Variants in OLFML2A observed in about 807,000 individuals in gnomAD.
OLFML2A encodes the protein olfactomedin-like protein 2A.
A neutral mutation model predicts 60.9 loss-of-function variants in OLFML2A; 47 were observed. The observed-to-expected ratio is 0.77, with a 90% CI of 0.61 to 0.98. The LOEUF is 0.98. Among genes scored for constraint, OLFML2A ranks in the 50% least tolerant of loss-of-function variants. The pLI, the probability that OLFML2A is intolerant of heterozygous loss-of-function variation, is 0.00. For synonymous variants in OLFML2A, 372 were observed against 375.0 expected (o/e 0.99, Z 0.09); for missense variants, 922 against 879.8 (o/e 1.05, Z -0.61).
chr9:124,780,353 AG>A (rs575319662), intron 1 of OLFML2A, among the ~76,000 whole-genome samples: 21 of 152,176 alleles, frequency 1.4e-4, no homozygotes, highest in Non-Finnish European at 2.9e-4. Context: ...TCCAGCATCA[AG>A]GGGTGGGGAG....
In OLFML2A at chr9:124,787,185, G is replaced by A. The variant is rs767314949; in HGVS notation, c.301G>A (p.Glu101Lys). ...TAPPSSLNPC[E>K]NEWKMEKLKK... ...ACCTCCCTCCTCTCTCAACCCCTGT[G>A]AGAACGAGTGGAAGATGGAGAAACT... The change falls in exon 2 of 8, where the codon GAG becomes AAG. Residue 101 changes from glutamate to lysine, a missense_variant. Physicochemically the swap from Glu to Lys is moderately conservative, Grantham distance 56 (BLOSUM62 1). Coordinates refer to ENST00000373580, the MANE Select transcript of OLFML2A (RefSeq NM_182487.4). 4 of 1,614,220 alleles carry A rather than the reference G, an allele frequency of 2.5e-6. No homozygotes were observed. The highest frequency in any genetic ancestry group is 1.1e-5 in the South Asian group (1 of 91,088).
chr9:124,813,845 C>G lies in OLFML2A; in HGVS notation c.*3433C>G, dbSNP rs922969601. ...TGTGAGCTGTCATGGAAACCTGATC[C>G]CCAACAGCTTTTGAGGTTGTTTGTT... On this transcript the variant is annotated 3_prime_UTR_variant, in exon 8 of 8. Transcript: ENST00000373580. The G allele has an allele frequency of 3.9e-5, 6 of 152,186 alleles. No individual in the cohort carries two copies. Among genetic ancestry groups the G allele is most frequent in the Non-Finnish European group, 8.8e-5 (6 of 68,064 alleles). The allele number at this position is 152,186 out of a possible 1,614,324, so 9.4% of individuals were successfully genotyped here.
At chr9:124,801,214 C>A in intron 4 of OLFML2A, 200 bp from the exon 5 acceptor site, 1 of 887,940 alleles carries the variant, frequency 1.1e-6, no homozygotes, top group Non-Finnish European at 1.7e-6. Flanking sequence ...AGCTAAAGAG[C>A]TGGGTGAGGA....
intron 1 of OLFML2A, among the ~76,000 whole-genome samples, chr9:124,780,936 C>A (rs1167197001): frequency 6.6e-6 from 1 of 152,190 alleles, no homozygotes; most frequent in Non-Finnish European, 1.5e-5. Flanking sequence ...TAGGAAGCAT[C>A]CAGATAGGCT....
chr9:124,801,620 C>G lies in OLFML2A; in HGVS notation c.876C>G (p.Thr292=), dbSNP rs754524477. The G allele has an allele frequency of 6.2e-7, 1 of 1,613,848 alleles. No individual in the cohort carries two copies. Among genetic ancestry groups the G allele is most frequent in the Non-Finnish European group, 8.5e-7 (1 of 1,180,010 alleles). Residue 292 remains threonine, a synonymous_variant, in exon 5 of 8, where the codon ACC becomes ACG. Transcript: ENST00000373580. ...AGCAGGCTGTGATCCGGGGCTTCAC[C>G]TACTACAAGGCAGGCAAGCAGGAGG... is the stretch of plus-strand genomic sequence containing the variant. ...AQQQAVIRGF[T]YYKAGKQEVT... is the part of the protein sequence containing the mutation.
In OLFML2A at chr9:124,804,246, A is replaced by G. The variant is rs145832280; in HGVS notation, c.1072A>G (p.Ile358Val). ...VDLASGTPTSIPATTTTATTT... is the reference protein window; with the variant it reads ...VDLASGTPTSVPATTTTATTT... Reference sequence around the variant, plus strand: ...CCTGGCTTCTGGCACCCCCACTTCAATCCCTGCCACCACCACCACCGCCAC... The same window carrying G: ...CCTGGCTTCTGGCACCCCCACTTCAGTCCCTGCCACCACCACCACCGCCAC... The change falls in exon 6 of 8, where the codon ATC (isoleucine) becomes GTC (valine). Residue 358 changes from isoleucine (I) to valine (V), a missense_variant. Transcript: ENST00000373580. 29 of 1,611,814 alleles carry G rather than the reference A, an allele frequency of 1.8e-5. No individual in the cohort carries two copies. The African/African-American group carries it at 2.8e-4, about 16-fold the overall frequency.
In OLFML2A at chr9:124,810,032, G is replaced by A. The variant is rs140626253; in HGVS notation, c.1579G>A (p.Glu527Lys). 813 of 1,614,070 alleles carry A rather than the reference G, an allele frequency of 5.0e-4. No homozygotes were observed. Among genetic ancestry groups the A allele is most frequent in the Non-Finnish European group, 6.5e-4 (770 of 1,180,034 alleles). The part of the protein sequence containing the change: ...GHSDIDFAVD[E>K]SGLWVIYPAV... ...CTCGGACATTGACTTTGCCGTGGAC[G>A]AGAGCGGCCTGTGGGTCATCTACCC... The change falls in exon 8 of 8, where the codon GAG becomes AAG. Residue 527 changes from glutamate to lysine, a missense_variant. Coordinates refer to ENST00000373580, the MANE Select transcript of OLFML2A (RefSeq NM_182487.4).
chr9:124,784,352 C>T (rs1841418393), intron 1 of OLFML2A, among the ~76,000 whole-genome samples: 1 of 152,006 alleles, frequency 6.6e-6, no homozygotes, highest in Non-Finnish European at 1.5e-5. Context: ...TACAGATGCC[C>T]ACCACCACAC....
rs184591227 is a variant in OLFML2A at position 124,801,124 on chromosome 9, G to T, written c.670-290G>T. ...CCCAGGGAGCTGGTCCTTCTAGCCT[G>T]CCCCCCAGGGGGATTGGACAGGAGT... On this transcript the variant is annotated intron_variant, in intron 4 of 7. Coordinates refer to ENST00000373580, the MANE Select transcript of OLFML2A (RefSeq NM_182487.4). 1.9e-5 allele frequency: 27 copies of T among 1,431,620 alleles called. No individual in the cohort carries two copies. The African/African-American group carries it at 2.1e-4, about 11-fold the overall frequency. 88.7% of individuals were successfully genotyped at this position (1,431,620 alleles called of 1,614,324 possible). A position where few individuals can be genotyped will look rare whatever the true frequency, so the allele number is the denominator to read the frequency against.
chr9:124,783,662 T>C (rs1841403172), intron 1 of OLFML2A, among the ~76,000 whole-genome samples: 1 of 152,192 alleles, frequency 6.6e-6, no homozygotes, highest in African/African-American at 2.4e-5. Flanking sequence ...GATGCCATGC[T>C]CTTAACCTTG....
intron 6 of OLFML2A, 98 bp downstream of exon 6, chr9:124,804,440 A>G (rs1841849897): frequency 4.9e-6 from 6 of 1,221,354 alleles, no homozygotes; most frequent in Non-Finnish European, 4.5e-6. Flanking sequence ...AATGCTTTTT[A>G]TAGCTGAGCA....
rs368198153 is a variant in OLFML2A at position 124,809,965 on chromosome 9, C to T, written c.1512C>T (p.Asp504=). 2.5e-6 allele frequency: 4 copies of T among 1,614,160 alleles called. No homozygotes were observed. The highest frequency in any genetic ancestry group is 1.1e-5 in the South Asian group (1 of 91,076). ...RFVASWALLP[D]VVYEDTTPWK... ...TGGCCTCCTGGGCGCTGCTGCCCGA[C>T]GTGGTATATGAGGACACCACACCTT... The change falls in exon 8 of 8, where the codon GAC becomes GAT. Residue 504 remains aspartate, a synonymous_variant. Transcript: ENST00000373580.
chr9:124,801,743 G>A lies in OLFML2A; in HGVS notation c.919+80G>A, dbSNP rs1207978860. 31 of 1,437,826 alleles carry A rather than the reference G, an allele frequency of 2.2e-5. 1 individual carries two copies. The East Asian group carries it at 7.3e-4, about 34-fold the overall frequency. The allele number at this position is 1,437,826 out of a possible 1,614,324, so 89.1% of individuals were successfully genotyped here. A position where few individuals can be genotyped will look rare whatever the true frequency, so the allele number is the denominator to read the frequency against. On this transcript the variant is annotated intron_variant, in intron 5 of 7. Coordinates refer to ENST00000373580, the MANE Select transcript of OLFML2A (RefSeq NM_182487.4). ...AATCCCCTCATCTTCTCTGCAGTGG[G>A]ACCACCCCAGATTCAGTTCCACCCA...
chr9:124,785,443 G>A (rs1841450546), intron 1 of OLFML2A, among the ~76,000 whole-genome samples: 1 of 132,252 alleles, frequency 7.6e-6, no homozygotes, highest in Admixed American at 9.0e-5. Flanking sequence ...TGTCACCCAG[G>A]CTGGAGTGCA....
At chr9:124,787,590 C>T (rs982490729) in intron 2 of OLFML2A, among the ~76,000 whole-genome samples, 78 of 132,230 alleles carry the variant, frequency 5.9e-4, no homozygotes, top group Non-Finnish European at 7.4e-4. Context: ...AACAGAGTCT[C>T]GCTCTGTCAC....
intron 7 of OLFML2A, among the ~76,000 whole-genome samples, chr9:124,809,409 G>A (rs1194614696): frequency 6.6e-6 from 1 of 151,988 alleles, no homozygotes; most frequent in Admixed American, 6.6e-5. Context: ...AGGTTTCCTA[G>A]AGGAGGTGAC....
In OLFML2A at chr9:124,777,355, A is replaced by C. The variant is rs1210220830; in HGVS notation, c.85A>C (p.Ser29Arg). The C allele has an allele frequency of 1.6e-6, 2 of 1,285,120 alleles. No individual in the cohort carries two copies. The highest frequency in any genetic ancestry group is 1.5e-5 in the African/African-American group (1 of 64,842). The allele number at this position is 1,285,120 out of a possible 1,614,324, so 79.6% of individuals were successfully genotyped here. Residue 29 changes from serine (S) to arginine (R), a missense_variant, in exon 1 of 8, where the codon AGT becomes CGT. Physicochemically the swap from Ser to Arg is moderately radical, Grantham distance 110 (BLOSUM62 -1). Transcript: ENST00000373580. This position sits in a 1 kb window ranked among gnomAD's most constrained non-coding sequence, Gnocchi z 6.2. Reference sequence around the variant, plus strand: ...GAGCGGCCGCCCCACGCGCGCCGACAGTAAGGTACGCACGCCCCTCGGACC... The same window carrying C: ...GAGCGGCCGCCCCACGCGCGCCGACCGTAAGGTACGCACGCCCCTCGGACC... ...LLSGRPTRAD[S>R]KVFGDLDQVR...
In OLFML2A at chr9:124,814,153, G is replaced by A. The variant is rs1456082517; in HGVS notation, c.*3741G>A. The A allele has an allele frequency of 6.6e-6, 1 of 152,334 alleles. No homozygotes were observed. 9.4% of individuals were successfully genotyped at this position (152,334 alleles called of 1,614,324 possible). Reference sequence around the variant, plus strand: ...TCCCGCCTTGCGGGCAGTGCTAAAGGTGGAGCTGGGGGATTTTCCTGGGAA... The same window carrying A: ...TCCCGCCTTGCGGGCAGTGCTAAAGATGGAGCTGGGGGATTTTCCTGGGAA... On this transcript the variant is annotated 3_prime_UTR_variant, in exon 8 of 8. Coordinates refer to ENST00000373580, the MANE Select transcript of OLFML2A (RefSeq NM_182487.4).
At chr9:124,791,073 G>C (rs981690395) in intron 2 of OLFML2A, among the ~76,000 whole-genome samples, 2 of 152,166 alleles carry the variant, frequency 1.3e-5, no homozygotes, top group Non-Finnish European at 2.9e-5. Context: ...CTCCTGCCTC[G>C]AGGAGTCCCC....
Sources: gnomAD v4.1 joint callset for allele counts (sites outside exome capture counted in the v4.1 genomes callset) on GRCh38, gnomAD v4.1.1 for gene constraint, Gnocchi (gnomAD v3.1) non-coding constraint, MANE v1.5 for transcripts, NCBI Gene and HGNC (gene_info 2026-07-23, HGNC 2026-07-21) for gene names.